The following SLC12A7 variants were observed in gnomAD, a reference collection of about 807,000 sequenced individuals.
The protein encoded by SLC12A7 is K-Cl cotransporter 4.
Under a neutral mutation model 120.6 loss-of-function variants are expected in SLC12A7, and 100 were observed. The ratio of observed to expected loss-of-function variants is 0.83; its 90% CI spans 0.71 to 0.98. The LOEUF (loss-of-function observed/expected upper bound fraction) is 0.98, where lower values mean the gene tolerates loss of function less well. Among genes scored for constraint, SLC12A7 ranks in the 50% least tolerant of loss-of-function variants. SLC12A7 has a pLI of 0.00. For missense variants in SLC12A7, 1,373 were observed against 1,548.1 expected (o/e 0.89, Z 1.90); for synonymous variants, 760 against 678.0 (o/e 1.12, Z -1.88).
At chr5:1,152,869 A>G in the SLC12A7 span, among the ~76,000 whole-genome samples, 1 of 152,194 alleles carries the variant, frequency 6.6e-6, no homozygotes, top group East Asian at 1.9e-4. Flanking sequence ...AGGATTAGAA[A>G]GTTCATCTGA....
At chr5:1,149,554 G>A in the SLC12A7 span, among the ~76,000 whole-genome samples, 1 of 151,902 alleles carries the variant, frequency 6.6e-6, no homozygotes, top group Non-Finnish European at 1.5e-5. Flanking sequence ...TGCGGCCTGG[G>A]CAACAGAGAA....
At chr5:1,095,039 C>CGGTAGGAAGCGGGGG (rs1579415550) in intron 1 of SLC12A7, among the ~76,000 whole-genome samples, 1 of 112,094 alleles carries the variant, frequency 8.9e-6, no homozygotes, top group Non-Finnish European at 2.1e-5. Flanking sequence ...AGGCGGGGGG[C>CGGTAGGAAGCGGGGG]CGGTAGGAGG....
At chr5:1,132,438 TTATACTC>T in the SLC12A7 span, among the ~76,000 whole-genome samples, 1 of 152,078 alleles carries the variant, frequency 6.6e-6, no homozygotes. Context: ...TACTTTCACT[TTATACTC>T]TATGGACTCA....
At chr5:1,053,543 G>A in intron 22 of SLC12A7, 61 bp from the exon 23 acceptor site, 2 of 1,583,752 alleles carry the variant, frequency 1.3e-6, no homozygotes, top group Non-Finnish European at 1.7e-6. Flanking sequence ...CGGACACGAG[G>A]CTGAGCTGAG....
At chr5:1,152,765 G>A in the SLC12A7 span, among the ~76,000 whole-genome samples, 2 of 152,178 alleles carry the variant, frequency 1.3e-5, no homozygotes, top group African/African-American at 2.4e-5. Flanking sequence ...GTGGATTCCT[G>A]CATTGAAAAC....
intron 17 of SLC12A7, 24 bp from the exon 18 acceptor site, chr5:1,065,502 T>A (rs1391791140): frequency 6.5e-7 from 1 of 1,540,076 alleles, no homozygotes; most frequent in African/African-American, 1.4e-5. Flanking sequence ...GACAGGTTGG[T>A]GCTACAGCAG....
the SLC12A7 span, among the ~76,000 whole-genome samples, chr5:1,136,263 G>A: frequency 6.7e-6 from 1 of 149,990 alleles, no homozygotes; most frequent in Middle Eastern, 3.4e-3. Context: ...GAGAAATCAC[G>A]ACTCCTCCTG....
the SLC12A7 span, among the ~76,000 whole-genome samples, chr5:1,151,848 C>G: frequency 0.19 from 29,353 of 152,140 alleles, 2,973 homozygotes; most frequent in East Asian, 0.29. The surrounding 1 kb of genome is among the most constrained non-coding windows in gnomAD (Gnocchi z 6.2). Context: ...GGGAACCTAC[C>G]TTTCCTCATC....
At chr5:1,085,875 C>T (rs1739811923) in intron 6 of SLC12A7, among the ~76,000 whole-genome samples, 1 of 152,208 alleles carries the variant, frequency 6.6e-6, no homozygotes, top group Admixed American at 6.5e-5. Context: ...TGACTGCTGC[C>T]CAGAGAGCTC....
chr5:1,083,690 A>G, intron 8 of SLC12A7, 55 bp downstream of exon 8: 3 of 1,555,450 alleles, frequency 1.9e-6, no homozygotes, highest in Middle Eastern at 1.9e-4. Context: ...CACCAGGGCC[A>G]GCGCCTGCTG....
intron 6 of SLC12A7, among the ~76,000 whole-genome samples, chr5:1,085,903 C>A (rs1000820436): frequency 6.6e-6 from 1 of 152,242 alleles, no homozygotes; most frequent in Non-Finnish European, 1.5e-5. Context: ...CCCGGCTGGA[C>A]GTCCTGGACA....
intron 22 of SLC12A7, among the ~76,000 whole-genome samples, chr5:1,054,606 G>T (rs1378975268): frequency 1.3e-5 from 2 of 152,172 alleles, no homozygotes; most frequent in Non-Finnish European, 2.9e-5. Context: ...CAGCCGTGCG[G>T]TCGTGACTGT....
At chr5:1,152,757 G>A in the SLC12A7 span, among the ~76,000 whole-genome samples, 1 of 152,128 alleles carries the variant, frequency 6.6e-6, no homozygotes, top group African/African-American at 2.4e-5. Context: ...AAGTCGGTGT[G>A]GATTCCTGCA....
Position 1,073,761 on chromosome 5 carries a change from C to A in SLC12A7, c.2113G>T (p.Ala705Ser). The change falls in exon 17 of 24, where the codon GCC becomes TCC. Residue 705 changes from alanine to serine, a missense_variant. Transcript: ENST00000264930. Reference protein sequence around the residue: ...LVMLNLDAEQAVKHPRLLSFT... With the variant: ...LVMLNLDAEQSVKHPRLLSFT... ...GACAGCAGGCGGGGGTGCTTCACGGCCTGCTCCGCGTCCAGGTTCAGCATC... is the reference window on the plus strand; with the variant it reads ...GACAGCAGGCGGGGGTGCTTCACGGACTGCTCCGCGTCCAGGTTCAGCATC... The A allele has an allele frequency of 6.6e-7, 1 of 1,522,100 alleles. No individual in the cohort carries two copies. Among genetic ancestry groups the A allele is most frequent in the African/African-American group, 1.4e-5 (1 of 70,992 alleles). The allele number at this position is 1,522,100 out of a possible 1,614,324, so 94.3% of individuals were successfully genotyped here.
chr5:1,089,200 C>G, intron 3 of SLC12A7, 72 bp from the exon 4 acceptor site: 2 of 1,549,514 alleles, frequency 1.3e-6, no homozygotes, highest in African/African-American at 1.4e-5. Flanking sequence ...CCAGGCTGCA[C>G]TCAGGCCCTG....
At chr5:1,064,379 C>T in intron 18 of SLC12A7, 127 bp from the exon 19 acceptor site, 1 of 1,062,646 alleles carries the variant, frequency 9.4e-7, no homozygotes, top group East Asian at 2.7e-5. Context: ...AAGCCCCCAC[C>T]CTCACTCCGT....
rs771858662 is a variant in SLC12A7 at position 1,063,907 on chromosome 5, C to T, written c.2676G>A (p.Lys892=). 12 of 1,612,034 alleles carry T rather than the reference C, an allele frequency of 7.4e-6. No individual in the cohort carries two copies. Among genetic ancestry groups the T allele is most frequent in the Admixed American group, 1.7e-5 (1 of 59,926 alleles). The change falls in exon 20 of 24, where the codon AAG becomes AAA. Residue 892 remains lysine (K), a synonymous_variant. Transcript: ENST00000264930. ...GGTACAAGAACATCTGCAGGTCCTT[C>T]TTCATCTGGATGCTGTTGTCGTCCA... ...AQVDDNSIQM[K]KDLQMFLYHL...
At chr5:1,110,563 C>G (rs1047682355) in intron 1 of SLC12A7, among the ~76,000 whole-genome samples, 4 of 152,226 alleles carry the variant, frequency 2.6e-5, no homozygotes, top group Non-Finnish European at 5.9e-5. Context: ...GAGAAGGGGC[C>G]GGCCAGACAA....
upstream of SLC12A7, among the ~76,000 whole-genome samples, chr5:1,116,629 T>G (rs931495501): frequency 6.6e-6 from 1 of 152,224 alleles, no homozygotes; most frequent in African/African-American, 2.4e-5. Context: ...ACTCTTCCCC[T>G]CACTCAGGAG....
Sources: allele counts gnomAD v4.1 joint callset (sites outside exome capture counted in the v4.1 genomes callset), GRCh38; gene constraint gnomAD v4.1.1; non-coding constraint Gnocchi (gnomAD v3.1); transcripts MANE v1.5; gene names NCBI Gene and HGNC (gene_info 2026-07-23, HGNC 2026-07-21).